Variants in TMEM170B observed in about 807,000 individuals in gnomAD.
The protein encoded by TMEM170B is transmembrane protein 170B.
Under a neutral mutation model 13.0 loss-of-function variants are expected in TMEM170B, and 6 were observed. The ratio of observed to expected loss-of-function variants is 0.46; its 90% confidence interval spans 0.25 to 0.91. The LOEUF (loss-of-function observed/expected upper bound fraction) is 0.91. Among genes scored for constraint, TMEM170B ranks in the 40% least tolerant of loss-of-function variants. The probability of loss-of-function intolerance (pLI) is 0.17; values close to 1 mark genes in which losing one functional copy is unlikely to be tolerated. For missense variants in TMEM170B, 138 were observed against 165.2 expected (o/e 0.84, Z 0.90); for synonymous variants, 61 against 64.9 (o/e 0.94, Z 0.29).
chr6:11,549,662 CAAAA>C (rs111556696), intron 1 of TMEM170B, among the ~76,000 whole-genome samples: 1 of 109,272 alleles, frequency 9.2e-6, no homozygotes, highest in Admixed American at 9.7e-5. Flanking sequence ...GACTCCGTCT[CAAAA>C]AAAAAAAAAG....
At chr6:11,569,616 G>A (rs1198299943) in intron 2 of TMEM170B, among the ~76,000 whole-genome samples, 4 of 152,090 alleles carry the variant, frequency 2.6e-5, no homozygotes, top group Admixed American at 6.6e-5. Context: ...TCAGTAAAAC[G>A]TTATTTCTAT....
rs1398817801 is a variant in TMEM170B at position 11,577,895 on chromosome 6, CTT to C, written c.*2337_*2338del. 3 of 152,022 alleles carry C rather than the reference CTT, an allele frequency of 2.0e-5. No individual in the cohort carries two copies. Among genetic ancestry groups the C allele is most frequent in the Non-Finnish European group, 1.5e-5 (1 of 67,946 alleles). The allele number at this position is 152,022 out of a possible 1,614,324, so 9.4% of individuals were successfully genotyped here. ...ATTGAGATTTTGTGCAACTGTCTCT[CTT>C]TTGATGTTTTGAGATGCAGTTGAAT... is the stretch of plus-strand genomic sequence containing the variant. On this transcript the variant is annotated 3_prime_UTR_variant, in exon 3 of 3. Transcript: ENST00000379426.
chr6:11,571,732 C>T (rs1759803641), intron 2 of TMEM170B, among the ~76,000 whole-genome samples: 1 of 151,860 alleles, frequency 6.6e-6, no homozygotes, highest in Admixed American at 6.6e-5. Flanking sequence ...AGAGTGAAAA[C>T]TAAAGAACAA....
intron 1 of TMEM170B, among the ~76,000 whole-genome samples, chr6:11,546,987 C>T (rs1346162123): frequency 1.3e-5 from 2 of 152,170 alleles, no homozygotes; most frequent in African/African-American, 2.4e-5. Flanking sequence ...TATATGAATG[C>T]GGTCTCTCGC....
rs995741727 is a variant in TMEM170B at position 11,537,969 on chromosome 6, G to A, written c.-309G>A. Among the ~76,000 whole-genome samples the A allele has an allele frequency of 4.0e-5, 6 of 151,496 alleles. No homozygotes were observed. The East Asian group carries it at 9.8e-4, about 25-fold the overall frequency. The stretch of plus-strand genomic sequence containing the variant: ...CTGCCCCTGAGAGGGAGCGGCGGCG[G>A]CCTCCTCCGCCCCGAGTCCTCGCTC... On this transcript the variant is annotated 5_prime_UTR_variant, in exon 1 of 3. Coordinates refer to ENST00000379426, the MANE Select transcript of TMEM170B (RefSeq NM_001100829.3).
In TMEM170B at chr6:11,581,080, T is replaced by C. The variant is rs1002387335; in HGVS notation, c.*5519T>C. 8 of 152,348 alleles carry C rather than the reference T, an allele frequency of 5.3e-5. No homozygotes were observed. The highest frequency in any genetic ancestry group is 3.9e-4 in the East Asian group (2 of 5,192). 9.4% of individuals were successfully genotyped at this position (152,348 alleles called of 1,614,324 possible). On this transcript the variant is annotated 3_prime_UTR_variant, in exon 3 of 3. Transcript: ENST00000379426. ...AGTATTTTCAGTAAATGTGGAGATA[T>C]ATCAGATAATACTTTTAAATTAGTG...
At position 11,582,122 on chromosome 6, in the gene TMEM170B, A is replaced by C. The variant is rs1313902546; in HGVS notation, c.*6561A>C. 2.6e-5 allele frequency: 4 copies of C among 152,228 alleles called. No individual in the cohort carries two copies. Among genetic ancestry groups the C allele is most frequent in the African/African-American group, 7.2e-5 (3 of 41,466 alleles). The allele number at this position is 152,228 out of a possible 1,614,324, so 9.4% of individuals were successfully genotyped here. ...ACCAAAAATATTAGCCCCTGACTCT[A>C]GTTATTCTGAGATGAGGGAATCAAC... On this transcript the variant is annotated 3_prime_UTR_variant, in exon 3 of 3. Coordinates refer to ENST00000379426, the MANE Select transcript of TMEM170B (RefSeq NM_001100829.3).
At chr6:11,572,886 A>G (rs1052555357) in intron 2 of TMEM170B, among the ~76,000 whole-genome samples, 2 of 152,146 alleles carry the variant, frequency 1.3e-5, no homozygotes, top group Non-Finnish European at 2.9e-5. Context: ...CCTAAATGAT[A>G]TATCTAAGTT....
rs1204794009 is a variant in TMEM170B at position 11,549,444 on chromosome 6, A to ATGAGGTGGGTGGAT, written c.97+11070_97+11071insTGAGGTGGGTGGAT. ...TTTGGGAGGCAGAGGTGGGTGGATC[A>ATGAGGTGGGTGGAT]CGAGGTCAGGAGATCGAGACCATCC... On this transcript the variant is annotated intron_variant, in intron 1 of 2. Coordinates refer to ENST00000379426, the MANE Select transcript of TMEM170B (RefSeq NM_001100829.3). 2.0e-5 allele frequency among the ~76,000 whole-genome samples: 3 copies of ATGAGGTGGGTGGAT among 152,278 alleles called. No individual in the cohort carries two copies. In the East Asian group the frequency reaches 5.8e-4, roughly 29 times the overall value.
At chr6:11,560,788 T>C (rs948495537) in intron 1 of TMEM170B, among the ~76,000 whole-genome samples, 1 of 152,200 alleles carries the variant, frequency 6.6e-6, no homozygotes, top group African/African-American at 2.4e-5. Context: ...ATGTACTTTT[T>C]TAAACAAATA....
At chr6:11,550,174 A>AT (rs35963481) in intron 1 of TMEM170B, among the ~76,000 whole-genome samples, 8,604 of 139,952 alleles carry the variant, frequency 0.061, 411 homozygotes, top group African/African-American at 0.13. Context: ...GGCTTATATA[A>AT]TTTTTTTTTT....
intron 1 of TMEM170B, among the ~76,000 whole-genome samples, chr6:11,547,073 A>G (rs1759450617): frequency 6.6e-6 from 1 of 152,242 alleles, no homozygotes; most frequent in South Asian, 2.1e-4. Flanking sequence ...AATTGCAGAA[A>G]GTGAAACTGC....
At chr6:11,550,294 C>T (rs1288154699) in intron 1 of TMEM170B, among the ~76,000 whole-genome samples, 12 of 151,984 alleles carry the variant, frequency 7.9e-5, no homozygotes, top group African/African-American at 2.7e-4. Context: ...TGCTTCCGCC[C>T]CCAAGTAGCT....
intron 1 of TMEM170B, among the ~76,000 whole-genome samples, chr6:11,544,833 A>G (rs936009652): frequency 3.9e-5 from 6 of 152,204 alleles, no homozygotes; most frequent in African/African-American, 1.4e-4. Context: ...TCTTTTTCAA[A>G]TAGATTTTCT....
At chr6:11,571,335 A>G (rs1259941950) in intron 2 of TMEM170B, among the ~76,000 whole-genome samples, 1 of 151,934 alleles carries the variant, frequency 6.6e-6, no homozygotes, top group East Asian at 1.9e-4. Context: ...ACAGGCTATC[A>G]TTTGCTTTCT....
Position 11,582,591 on chromosome 6 carries a change from A to T in TMEM170B, c.*7030A>T, listed in dbSNP as rs1759970678. On this transcript the variant is annotated 3_prime_UTR_variant, in exon 3 of 3. Coordinates refer to ENST00000379426, the MANE Select transcript of TMEM170B (RefSeq NM_001100829.3). ...AAATGGAAAAAAATGTAGTTAAGAA[A>T]ATTAAGTGTGAGACTTTAAAATTTA... is the stretch of plus-strand genomic sequence containing the variant. 6.6e-6 allele frequency: 1 copy of T among 152,200 alleles called. No homozygotes were observed. The highest frequency in any genetic ancestry group is 6.5e-5 in the Admixed American group (1 of 15,284). 9.4% of individuals were successfully genotyped at this position (152,200 alleles called of 1,614,324 possible).
At chr6:11,548,579 A>G (rs996222458) in intron 1 of TMEM170B, among the ~76,000 whole-genome samples, 9 of 152,328 alleles carry the variant, frequency 5.9e-5, no homozygotes, top group African/African-American at 2.2e-4. Flanking sequence ...ACTGGTGTAT[A>G]TCCAAAGGAT....
In TMEM170B at chr6:11,537,833, G is replaced by T. The variant is rs1385132165; in HGVS notation, c.-445G>T. ...GGCTGGTCCCGCGTCTCCGTCCTCC[G>T]GCGGCGATGAGCTGGGCCCTGTCGG... is the stretch of plus-strand genomic sequence containing the variant. On this transcript the variant is annotated 5_prime_UTR_variant, in exon 1 of 3. Coordinates refer to ENST00000379426, the MANE Select transcript of TMEM170B (RefSeq NM_001100829.3). 5.9e-5 allele frequency among the ~76,000 whole-genome samples: 9 copies of T among 151,682 alleles called. No individual in the cohort carries two copies. In the East Asian group the frequency reaches 1.6e-3, roughly 26 times the overall value.
intron 1 of TMEM170B, among the ~76,000 whole-genome samples, chr6:11,545,611 T>A (rs1561906752): frequency 6.6e-6 from 1 of 152,094 alleles, no homozygotes; most frequent in African/African-American, 2.4e-5. Context: ...GTACTGCCTG[T>A]TGTATAAAAG....
Sources: gnomAD v4.1 joint callset for allele counts (sites outside exome capture counted in the v4.1 genomes callset) on GRCh38, gnomAD v4.1.1 for gene constraint, MANE v1.5 for transcripts, NCBI Gene and HGNC (gene_info 2026-07-23, HGNC 2026-07-21) for gene names.